The following KCTD16 variants were observed in gnomAD, a reference collection of about 807,000 sequenced individuals.
KCTD16 encodes the protein potassium channel tetramerization domain containing 16.
KCTD16 carries 13 observed loss-of-function variants against 33.2 expected under a neutral mutation model. That is an observed-to-expected ratio of 0.39 (90% CI 0.25 to 0.62). The LOEUF (loss-of-function observed/expected upper bound fraction) is 0.62, where lower values mean the gene tolerates loss of function less well. Among genes scored for constraint, KCTD16 ranks in the 20% least tolerant of loss-of-function variants. KCTD16 has a pLI of 0.50. For missense variants in KCTD16, 441 were observed against 525.1 expected (o/e 0.84, Z 1.57); for synonymous variants, 197 against 195.3 (o/e 1.01, Z -0.07).
chr5:144,410,976 G>A (rs891255205), intron 3 of KCTD16, among the ~76,000 whole-genome samples: 5 of 152,234 alleles, frequency 3.3e-5, no homozygotes, highest in Middle Eastern at 3.4e-3. Context: ...TTAAGATATA[G>A]TGTTTTTAGA....
At position 144,291,885 on chromosome 5, in the gene KCTD16, C is replaced by T. The variant is rs116209971; in HGVS notation, c.832+84339C>T. ...CATCAACATAAATGACAAATATTTG[C>T]GCATCATGTCAGTTATTTCAGATTC... On this transcript the variant is annotated intron_variant, in intron 3 of 3. Coordinates refer to ENST00000512467, the MANE Select transcript of KCTD16 (RefSeq NM_020768.4). 3.8e-3 allele frequency among the ~76,000 whole-genome samples: 578 copies of T among 152,220 alleles called. 3 individuals are homozygous for T. The highest frequency in any genetic ancestry group is 0.014 in the Middle Eastern group (4 of 294).
chr5:144,210,285 AC>A (rs1214025445), intron 3 of KCTD16, among the ~76,000 whole-genome samples: 2 of 152,168 alleles, frequency 1.3e-5, no homozygotes, highest in African/African-American at 4.8e-5. Context: ...GAAAAAGTCA[AC>A]AGGTATTTGT....
intron 3 of KCTD16, among the ~76,000 whole-genome samples, chr5:144,282,433 A>G (rs1306616735): frequency 6.6e-6 from 1 of 152,096 alleles, no homozygotes; most frequent in Non-Finnish European, 1.5e-5. Context: ...CAGTAAGTGT[A>G]AGTAAAGCAC....
chr5:144,392,633 C>T (rs1479256802), intron 3 of KCTD16, among the ~76,000 whole-genome samples: 1 of 152,190 alleles, frequency 6.6e-6, no homozygotes, highest in Non-Finnish European at 1.5e-5. Flanking sequence ...ATCTCTAGCG[C>T]TCCTTTTTCT....
chr5:144,233,928 T>A (rs1754176432), intron 3 of KCTD16, among the ~76,000 whole-genome samples: 1 of 152,114 alleles, frequency 6.6e-6, no homozygotes, highest in African/African-American at 2.4e-5. Flanking sequence ...TTCTGCAGTA[T>A]CTGCTTTGCA....
At chr5:144,437,682 GC>G (rs1337156712) in intron 3 of KCTD16, among the ~76,000 whole-genome samples, 1 of 152,074 alleles carries the variant, frequency 6.6e-6, no homozygotes, top group African/African-American at 2.4e-5. Context: ...TCAATATCCA[GC>G]CGTTGTTTTT....
Position 144,477,178 on chromosome 5 carries a change from A to T in KCTD16, c.*3064A>T, listed in dbSNP as rs898082987. The T allele has an allele frequency of 2.0e-5, 3 of 152,128 alleles. No individual in the cohort carries two copies. The highest frequency in any genetic ancestry group is 6.6e-5 in the Admixed American group (1 of 15,266). 9.4% of individuals were successfully genotyped at this position (152,128 alleles called of 1,614,324 possible). On this transcript the variant is annotated 3_prime_UTR_variant, in exon 4 of 4. Transcript: ENST00000512467. ...TTCAGCAGGAAAAGGGGAAGACAGG[A>T]ATGTAAAACTACTAGATCATATGGT...
At chr5:144,183,103 G>A (rs532191637) in intron 2 of KCTD16, among the ~76,000 whole-genome samples, 68 of 151,786 alleles carry the variant, frequency 4.5e-4, no homozygotes, top group African/African-American at 1.5e-3. Context: ...GTGAAAGAAA[G>A]AATTCTAAAT....
At chr5:144,183,137 G>A (rs756174148) in intron 2 of KCTD16, among the ~76,000 whole-genome samples, 24 of 152,218 alleles carry the variant, frequency 1.6e-4, no homozygotes, top group African/African-American at 5.3e-4. Context: ...TAACATGTAA[G>A]TAAAGGGCTA....
chr5:144,262,578 A>G (rs968303293), intron 3 of KCTD16, among the ~76,000 whole-genome samples: 1 of 152,242 alleles, frequency 6.6e-6, no homozygotes, highest in African/African-American at 2.4e-5. Flanking sequence ...TTGAAGAAAC[A>G]TAAGTAGGAA....
At chr5:144,250,630 C>T (rs533004939) in intron 3 of KCTD16, among the ~76,000 whole-genome samples, 98 of 152,308 alleles carry the variant, frequency 6.4e-4, no homozygotes, top group Non-Finnish European at 1.3e-3. Flanking sequence ...AGAATAGATG[C>T]AGCCTAGAGT....
intron 1 of KCTD16, among the ~76,000 whole-genome samples, chr5:144,172,821 T>C (rs1023607185): frequency 2.0e-5 from 3 of 152,234 alleles, no homozygotes; most frequent in African/African-American, 7.2e-5. Context: ...ATCAATAAGA[T>C]GCAATAATCC....
At chr5:144,195,628 G>A (rs944935906) in intron 2 of KCTD16, among the ~76,000 whole-genome samples, 5 of 152,156 alleles carry the variant, frequency 3.3e-5, no homozygotes, top group Non-Finnish European at 2.9e-5. Flanking sequence ...TTAGCTGTAC[G>A]GTAGAGTGCT....
chr5:144,281,012 T>C (rs1294030642), intron 3 of KCTD16, among the ~76,000 whole-genome samples: 3 of 146,300 alleles, frequency 2.1e-5, no homozygotes, highest in Non-Finnish European at 4.5e-5. Flanking sequence ...ACCCCGTCTC[T>C]ACTAAACAAA....
intron 3 of KCTD16, among the ~76,000 whole-genome samples, chr5:144,260,338 C>G (rs935211889): frequency 1.4e-4 from 22 of 152,154 alleles, no homozygotes; most frequent in African/African-American, 4.6e-4. Context: ...TGCATGGCCT[C>G]TGAGCAGCTA....
chr5:144,273,827 T>A (rs556560600), intron 3 of KCTD16, among the ~76,000 whole-genome samples: 64 of 152,094 alleles, frequency 4.2e-4, no homozygotes, highest in African/African-American at 1.4e-3. Flanking sequence ...AGTTTCAGTT[T>A]TACAAGATTA....
chr5:144,398,238 G>A (rs13168843), intron 3 of KCTD16, among the ~76,000 whole-genome samples: 2,713 of 152,154 alleles, frequency 0.018, 41 homozygotes, highest in Middle Eastern at 0.048. Context: ...CTAACTTATA[G>A]TTTTCAAAAA....
intron 3 of KCTD16, among the ~76,000 whole-genome samples, chr5:144,419,529 C>A (rs1435306572): frequency 1.3e-5 from 2 of 152,090 alleles, no homozygotes; most frequent in East Asian, 3.9e-4. Context: ...TTATTAAACA[C>A]CTGCGTTTCT....
chr5:144,256,252 C>T (rs1754844254), intron 3 of KCTD16, among the ~76,000 whole-genome samples: 1 of 152,204 alleles, frequency 6.6e-6, no homozygotes, highest in Non-Finnish European at 1.5e-5. Context: ...AACGATGATT[C>T]TTTGTACGGA....
Sources: allele counts gnomAD v4.1 joint callset (sites outside exome capture counted in the v4.1 genomes callset), GRCh38; gene constraint gnomAD v4.1.1; transcripts MANE v1.5; gene names NCBI Gene and HGNC (gene_info 2026-07-23, HGNC 2026-07-21).